Variants in PLPPR1 observed in about 807,000 individuals in gnomAD.
The protein encoded by PLPPR1 is phospholipid phosphatase-related protein type 1.
Under a neutral mutation model 33.1 loss-of-function variants are expected in PLPPR1, and 10 were observed. The ratio of observed to expected loss-of-function variants is 0.30; its 90% CI spans 0.19 to 0.51. PLPPR1 has a LOEUF of 0.51. Among genes scored for constraint, PLPPR1 ranks in the 20% least tolerant of loss-of-function variants. The pLI, the probability that PLPPR1 is intolerant of heterozygous loss-of-function variation, is 0.97. For missense variants in PLPPR1, 304 were observed against 408.1 expected, an observed-to-expected ratio of 0.74 and a Z score of 2.20; for synonymous variants, 151 against 151.0, an observed-to-expected ratio of 1.00 and a Z score of 0.00.
intron 1 of PLPPR1, among the ~76,000 whole-genome samples, chr9:101,081,271 AGTGGTGCGATCTC>A (rs1220211632): frequency 6.6e-6 from 1 of 152,050 alleles, no homozygotes; most frequent in Non-Finnish European, 1.5e-5. Context: ...GCTGGAGTGC[AGTGGTGCGATCTC>A]GCCTCACTGC....
intron 1 of PLPPR1, among the ~76,000 whole-genome samples, chr9:101,156,571 AAAG>A (rs1179621090): frequency 5.2e-5 from 5 of 95,938 alleles, no homozygotes; most frequent in Non-Finnish European, 6.8e-5. Context: ...AAAAAAAAAA[AAAG>A]AAAGAAAGAA....
intron 1 of PLPPR1, among the ~76,000 whole-genome samples, chr9:101,071,704 A>C (rs1248141877): frequency 1.3e-5 from 2 of 152,180 alleles, no homozygotes; most frequent in African/African-American, 4.8e-5. Flanking sequence ...TAGCATTTAC[A>C]GTGGAGCTTA....
At chr9:101,078,172 AGAAGAAGAAGAAGAGGAGGGGG>A (rs1830568118) in intron 1 of PLPPR1, among the ~76,000 whole-genome samples, 2 of 23,428 alleles carry the variant, frequency 8.5e-5, no homozygotes, top group African/African-American at 3.7e-4. Flanking sequence ...AAGAAGAAGA[AGAAGAAGAAGAAGAGGAGGGGG>A]GGAGGGGGAG....
chr9:101,234,974 G>T (rs1403070728), intron 2 of PLPPR1, among the ~76,000 whole-genome samples: 1 of 151,786 alleles, frequency 6.6e-6, no homozygotes, highest in Non-Finnish European at 1.5e-5. Context: ...CTTGAGTACA[G>T]GGATTTTTTT....
chr9:101,128,464 G>A (rs1438729232), intron 1 of PLPPR1, among the ~76,000 whole-genome samples: 1 of 152,140 alleles, frequency 6.6e-6, no homozygotes, highest in Non-Finnish European at 1.5e-5. Context: ...TCTATGGCAG[G>A]CAGTTTACTG....
At chr9:101,238,184 G>A (rs1205888283) in intron 2 of PLPPR1, among the ~76,000 whole-genome samples, 7 of 131,058 alleles carry the variant, frequency 5.3e-5, no homozygotes, top group African/African-American at 2.0e-4. Flanking sequence ...CTATATATAT[G>A]CCCTATATAT....
At chr9:101,074,035 G>T (rs951673804) in intron 1 of PLPPR1, among the ~76,000 whole-genome samples, 2 of 152,102 alleles carry the variant, frequency 1.3e-5, no homozygotes, top group Admixed American at 6.6e-5. Flanking sequence ...CCAGGAAAGC[G>T]CATGAAACAA....
At chr9:101,294,775 T>C (rs1317522152) in intron 4 of PLPPR1, among the ~76,000 whole-genome samples, 5 of 152,006 alleles carry the variant, frequency 3.3e-5, no homozygotes, top group African/African-American at 9.7e-5. Flanking sequence ...AAACTCTCAA[T>C]AAATTAGGTA....
chr9:101,086,989 G>C (rs916918090), intron 1 of PLPPR1, among the ~76,000 whole-genome samples: 2 of 152,068 alleles, frequency 1.3e-5, no homozygotes, highest in African/African-American at 4.8e-5. Flanking sequence ...GACCAGCCTG[G>C]CCAACATGGT....
chr9:101,152,680 G>A (rs1362688020), intron 1 of PLPPR1, among the ~76,000 whole-genome samples: 1 of 151,928 alleles, frequency 6.6e-6, no homozygotes, highest in African/African-American at 2.4e-5. Context: ...TCTTGTTTTT[G>A]TCAGGTGTGT....
chr9:101,150,999 G>A (rs1201869011), intron 1 of PLPPR1, among the ~76,000 whole-genome samples: 1 of 151,994 alleles, frequency 6.6e-6, no homozygotes, highest in Non-Finnish European at 1.5e-5. Context: ...ACTTGGGACA[G>A]CATTGCCATT....
intron 1 of PLPPR1, among the ~76,000 whole-genome samples, chr9:101,166,345 G>A (rs144442570): frequency 1.6e-3 from 244 of 152,278 alleles, no homozygotes; most frequent in Middle Eastern, 3.4e-3. Context: ...CGCATTATAG[G>A]CTCTGGGGAG....
chr9:101,193,383 G>C (rs1826335917), intron 2 of PLPPR1, among the ~76,000 whole-genome samples: 2 of 152,082 alleles, frequency 1.3e-5, no homozygotes, highest in South Asian at 4.1e-4. Flanking sequence ...ATCTGACTCT[G>C]GGAGTGGGGC....
At chr9:101,099,249 G>T (rs1485968722) in intron 1 of PLPPR1, among the ~76,000 whole-genome samples, 1 of 152,076 alleles carries the variant, frequency 6.6e-6, no homozygotes, top group Admixed American at 6.5e-5. Flanking sequence ...GGAGAAAGTT[G>T]AATTAAATTG....
At chr9:101,121,448 A>G (rs1431463750) in intron 1 of PLPPR1, among the ~76,000 whole-genome samples, 2 of 152,212 alleles carry the variant, frequency 1.3e-5, no homozygotes, top group South Asian at 2.1e-4. Context: ...CTGTCTTTTC[A>G]ACGCACCAGG....
chr9:101,284,515 A>G (rs1828356367), intron 3 of PLPPR1, among the ~76,000 whole-genome samples: 1 of 152,206 alleles, frequency 6.6e-6, no homozygotes, highest in South Asian at 2.1e-4. Context: ...AAGTGTTTGT[A>G]CCACAAAAAT....
At chr9:101,246,597 C>T (rs1331506971) in intron 2 of PLPPR1, among the ~76,000 whole-genome samples, 1 of 152,020 alleles carries the variant, frequency 6.6e-6, no homozygotes, top group Non-Finnish European at 1.5e-5. Context: ...CCAATCTCTT[C>T]CCTTCTAGAG....
Position 101,317,366 on chromosome 9 carries a change from G to T in PLPPR1, c.815G>T (p.Gly272Val). The change falls in exon 7 of 8, where the codon GGA (glycine) becomes GTA (valine). Residue 272 changes from glycine to valine, a missense_variant and splice_region_variant. Gly to Val is a moderately radical substitution (Grantham distance 109, BLOSUM62 -3). Coordinates refer to ENST00000374874, the MANE Select transcript of PLPPR1 (RefSeq NM_207299.2). ...ILGTAVALFLGMCVVHNFKGT... is the reference protein window; with the variant it reads ...ILGTAVALFLVMCVVHNFKGT... ...TCTTTTTTCCCCCTCATCCTGCAGGGAATGTGTGTGGTTCATAACTTTAAA... is the reference window on the plus strand; with the variant it reads ...TCTTTTTTCCCCCTCATCCTGCAGGTAATGTGTGTGGTTCATAACTTTAAA... The T allele has an allele frequency of 6.2e-7, 1 of 1,613,368 alleles. No homozygotes were observed. Among genetic ancestry groups the T allele is most frequent in the South Asian group, 1.1e-5 (1 of 90,956 alleles).
At chr9:101,113,025 G>A (rs539069471) in intron 1 of PLPPR1, among the ~76,000 whole-genome samples, 11 of 152,218 alleles carry the variant, frequency 7.2e-5, no homozygotes, top group South Asian at 2.1e-4. Flanking sequence ...CTGAAAAATC[G>A]TGAAAGATGC....
Sources: gnomAD v4.1 joint callset for allele counts (sites outside exome capture counted in the v4.1 genomes callset) on GRCh38, gnomAD v4.1.1 for gene constraint, MANE v1.5 for transcripts, NCBI Gene and HGNC (gene_info 2026-07-23, HGNC 2026-07-21) for gene names.